The following DCTN4 variants were observed in gnomAD, a reference collection of about 807,000 sequenced individuals.
DCTN4 encodes dynactin subunit 4.
DCTN4 carries 23 observed loss-of-function variants against 62.7 expected under a neutral mutation model. The ratio of observed to expected loss-of-function variants is 0.37; its 90% CI spans 0.26 to 0.52. The LOEUF (loss-of-function observed/expected upper bound fraction) is 0.52. Among genes scored for constraint, DCTN4 ranks in the 20% least tolerant of loss-of-function variants. DCTN4 has a pLI of 0.92. For missense variants in DCTN4, 514 were observed against 580.4 expected, an observed-to-expected ratio of 0.89 and a Z score of 1.18; for synonymous variants, 199 against 202.1, an observed-to-expected ratio of 0.98 and a Z score of 0.13.
chr5:150,732,560 C>T (rs1459234998), intron 5 of DCTN4, among the ~76,000 whole-genome samples: 1 of 152,164 alleles, frequency 6.6e-6, no homozygotes, highest in African/African-American at 2.4e-5. Flanking sequence ...CCCATTTCCT[C>T]AAGCGTAAAA....
chr5:150,748,943 G>A (rs569908330), intron 3 of DCTN4, among the ~76,000 whole-genome samples: 3 of 147,064 alleles, frequency 2.0e-5, no homozygotes, highest in African/African-American at 5.0e-5. Context: ...ATAATAATAA[G>A]AAAAAAAAAG....
Position 150,753,576 on chromosome 5 carries a change from A to C in DCTN4, c.288T>G (p.Asp96Glu). 1 of 1,614,192 alleles carries C rather than the reference A, an allele frequency of 6.2e-7. No individual in the cohort carries two copies. Among genetic ancestry groups the C allele is most frequent in the Non-Finnish European group, 8.5e-7 (1 of 1,180,024 alleles). ...RATSISTQLP[D>E]DPAKTTMKKA... is the part of the protein sequence containing the mutation. Reference sequence around the variant, plus strand: ...TCTTCATGGTGGTCTTGGCTGGGTCATCTGGAAGCTGTGTGGAGATGCTCG... The same window carrying C: ...TCTTCATGGTGGTCTTGGCTGGGTCCTCTGGAAGCTGTGTGGAGATGCTCG... The change falls in exon 3 of 13, where the codon GAT (aspartate) becomes GAG (glutamate). Residue 96 changes from aspartate to glutamate, a missense_variant. Physicochemically the swap from Asp to Glu is conservative, Grantham distance 45 (BLOSUM62 2). Transcript: ENST00000447998.
chr5:150,723,019 C>A (rs1760010063), intron 8 of DCTN4, 39 bp from the exon 9 acceptor site: 1 of 1,446,280 alleles, frequency 6.9e-7, no homozygotes, highest in East Asian at 2.3e-5. Context: ...CAGAAGACAA[C>A]AACACACTTT....
At chr5:150,728,873 C>T (rs57099650) in intron 8 of DCTN4, among the ~76,000 whole-genome samples, 22,150 of 150,820 alleles carry the variant, frequency 0.15, 2,889 homozygotes, top group African/African-American at 0.35. Context: ...TCTTACCACA[C>T]ACAATCTTTT....
chr5:150,737,183 C>T (rs1760613301), intron 4 of DCTN4, among the ~76,000 whole-genome samples: 1 of 152,112 alleles, frequency 6.6e-6, no homozygotes, highest in Admixed American at 6.5e-5. Context: ...CTTCAACGCT[C>T]CACCAACAGC....
chr5:150,747,431 A>G (rs1205130759), intron 3 of DCTN4, among the ~76,000 whole-genome samples: 3 of 152,232 alleles, frequency 2.0e-5, no homozygotes, highest in Admixed American at 6.5e-5. Context: ...CAGAATTGGA[A>G]AAAACTACTT....
rs540572708 is a variant in DCTN4, at chr5:150,739,819, A to T, written c.429+2295T>A. On this transcript the variant is annotated intron_variant, in intron 4 of 12. Coordinates refer to ENST00000447998, the MANE Select transcript of DCTN4 (RefSeq NM_016221.4). The stretch of plus-strand genomic sequence containing the variant: ...CTTTGACAAAGCAAACAAAAACATA[A>T]ACTGGGGAAAGGACATCCTATTCAA... Among the ~76,000 whole-genome samples, 29 of 152,318 alleles carry T rather than the reference A, an allele frequency of 1.9e-4. No individual in the cohort carries two copies. The South Asian group carries it at 5.8e-3, about 31-fold the overall frequency.
Position 150,731,450 on chromosome 5 carries a change from C to T in DCTN4, c.577G>A (p.Ala193Thr). ...GCAAGGGTACTGATGGATGCACCAG[C>T]TCGTGGTCGCTGAAGCCTGGTTCCA... ...GLGTRLQRPR[A>T]GASISTLAGL... Residue 193 changes from alanine to threonine, a missense_variant, in exon 6 of 13, where the codon GCT becomes ACT. By Grantham distance (58) the Ala-to-Thr change is moderately conservative. Coordinates refer to ENST00000447998, the MANE Select transcript of DCTN4 (RefSeq NM_016221.4). The T allele has an allele frequency of 6.2e-7, 1 of 1,613,926 alleles. No individual in the cohort carries two copies. The highest frequency in any genetic ancestry group is 1.1e-5 in the South Asian group (1 of 91,072).
At chr5:150,716,759 A>G (rs1759772192) in intron 11 of DCTN4, among the ~76,000 whole-genome samples, 1 of 152,064 alleles carries the variant, frequency 6.6e-6, no homozygotes, top group African/African-American at 2.4e-5. Context: ...CTCTACTAAA[A>G]CTGCAAAAAA....
At chr5:150,744,125 G>A (rs1274566379) in intron 3 of DCTN4, among the ~76,000 whole-genome samples, 4 of 152,194 alleles carry the variant, frequency 2.6e-5, no homozygotes, top group African/African-American at 9.7e-5. Flanking sequence ...GCCAAGGCTC[G>A]AGAACTACAT....
intron 3 of DCTN4, among the ~76,000 whole-genome samples, chr5:150,751,410 G>A (rs937241638): frequency 6.6e-6 from 1 of 152,058 alleles, no homozygotes; most frequent in Non-Finnish European, 1.5e-5. Context: ...AAACCAAAAA[G>A]CATAAAACAC....
rs61106544 is a variant in DCTN4, at chr5:150,729,042, CTTTTTTT to C, written c.834+1582_834+1588del. Among the ~76,000 whole-genome samples, 13 of 52,152 alleles carry C rather than the reference CTTTTTTT, an allele frequency of 2.5e-4. No homozygotes were observed. The East Asian group carries it at 3.1e-3, about 12-fold the overall frequency. The allele number at this position is 52,152 out of a possible 152,430, so 34.2% of individuals were successfully genotyped here. A position where few individuals can be genotyped will look rare whatever the true frequency, so the allele number is the denominator to read the frequency against. On this transcript the variant is annotated intron_variant, in intron 8 of 12. Transcript: ENST00000447998. Reference sequence around the variant, plus strand: ...ACAAGTGTGTGAACCACCACACTGGCTTTTTTTTTTTTTTTTTTTTTTTTTTTTTTTT... The same window carrying C: ...ACAAGTGTGTGAACCACCACACTGGCTTTTTTTTTTTTTTTTTTTTTTTTT...
At position 150,739,141 on chromosome 5, in the gene DCTN4, A is replaced by G. The variant is rs528397305; in HGVS notation, c.429+2973T>C. ...AGTTGCAGTGAGCTGAGTTTGCACC[A>G]TTGCACTCCAGTCTGGCTGACAGAG... is the stretch of plus-strand genomic sequence containing the variant. On this transcript the variant is annotated intron_variant, in intron 4 of 12. Transcript: ENST00000447998. 9.2e-5 allele frequency among the ~76,000 whole-genome samples: 14 copies of G among 151,628 alleles called. No homozygotes were observed. The South Asian group carries it at 2.9e-3, about 32-fold the overall frequency.
intron 2 of DCTN4, among the ~76,000 whole-genome samples, chr5:150,754,179 T>A (rs906403062): frequency 6.6e-6 from 1 of 152,218 alleles, no homozygotes; most frequent in South Asian, 2.1e-4. Context: ...ATGCTACTTT[T>A]CCTAGTGCTC....
intron 4 of DCTN4, among the ~76,000 whole-genome samples, chr5:150,735,620 T>A (rs992705392): frequency 6.6e-6 from 1 of 152,122 alleles, no homozygotes; most frequent in Admixed American, 6.5e-5. Context: ...GAGCACCACA[T>A]CAAGGAACAA....
At chr5:150,735,559 GAGC>G (rs1161771793) in intron 4 of DCTN4, among the ~76,000 whole-genome samples, 4 of 152,124 alleles carry the variant, frequency 2.6e-5, no homozygotes, top group Non-Finnish European at 4.4e-5. Flanking sequence ...GCTAGACCCA[GAGC>G]AGCAATAACA....
At chr5:150,717,058 AC>A (rs1759787840) in intron 11 of DCTN4, among the ~76,000 whole-genome samples, 1 of 152,216 alleles carries the variant, frequency 6.6e-6, no homozygotes, top group African/African-American at 2.4e-5. Context: ...TTGAATAAGA[AC>A]TAAAGATATA....
Position 150,731,465 on chromosome 5 carries a change from G to A in DCTN4, c.562C>T (p.Leu188Phe). ...FSDKYGLGTR[L>F]QRPRAGASIS... ...GATGCACCAGCTCGTGGTCGCTGAA[G>A]CCTGGTTCCAAGACCATATTTGTCC... Residue 188 changes from leucine to phenylalanine, a missense_variant, in exon 6 of 13, where the codon CTT becomes TTT. Transcript: ENST00000447998. The A allele has an allele frequency of 6.2e-7, 1 of 1,613,776 alleles. No homozygotes were observed. Among genetic ancestry groups the A allele is most frequent in the African/African-American group, 1.3e-5 (1 of 75,016 alleles).
intron 8 of DCTN4, among the ~76,000 whole-genome samples, chr5:150,729,042 CTTTTTTTTTTTTTTTTTTT>C (rs61106544): frequency 7.7e-5 from 4 of 52,140 alleles, no homozygotes; most frequent in Admixed American, 2.9e-4. Flanking sequence ...ACCACACTGG[CTTTTTTTTTTTTTTTTTTT>C]TTTTTTTTTT....
Sources: allele counts gnomAD v4.1 joint callset (sites outside exome capture counted in the v4.1 genomes callset), GRCh38; gene constraint gnomAD v4.1.1; transcripts MANE v1.5; gene names NCBI Gene and HGNC (gene_info 2026-07-23, HGNC 2026-07-21).